FRMD4A: variants seen among roughly 807,000 people sequenced by gnomAD.
The protein encoded by FRMD4A is FERM domain-containing protein 4A.
In FRMD4A, 29 loss-of-function variants were observed where a neutral mutation model predicts 129.1. That is an observed-to-expected ratio of 0.22 (90% CI 0.17 to 0.31). The LOEUF is 0.31. Among genes scored for constraint, FRMD4A ranks in the 10% least tolerant of loss-of-function variants. FRMD4A has a pLI of 1.00. For synonymous variants in FRMD4A, 634 were observed against 571.6 expected, an observed-to-expected ratio of 1.11 and a Z score of -1.56; for missense variants, 1,272 against 1,375.8, an observed-to-expected ratio of 0.92 and a Z score of 1.19.
intron 2 of FRMD4A, among the ~76,000 whole-genome samples, chr10:14,275,598 T>C (rs1178906841): frequency 6.6e-6 from 1 of 152,224 alleles, no homozygotes; most frequent in Non-Finnish European, 1.5e-5. Context: ...ATTTCTTAAG[T>C]TCAGTTCGTT....
At chr10:14,208,539 G>C (rs1297156332) in intron 2 of FRMD4A, among the ~76,000 whole-genome samples, 1 of 152,076 alleles carries the variant, frequency 6.6e-6, no homozygotes, top group African/African-American at 2.4e-5. Flanking sequence ...GAAGGAGGAG[G>C]GGACTCTGCG....
chr10:14,225,037 C>T (rs1843390141), intron 2 of FRMD4A, among the ~76,000 whole-genome samples: 1 of 152,142 alleles, frequency 6.6e-6, no homozygotes, highest in African/African-American at 2.4e-5. Context: ...CAAGTGTCCC[C>T]CATAGTAACA....
chr10:13,959,523 G>C (rs139193205), intron 2 of FRMD4A, among the ~76,000 whole-genome samples: 1 of 80,218 alleles, frequency 1.2e-5, no homozygotes, highest in Admixed American at 1.4e-4. Context: ...TTTTTTTTTA[G>C]ATTTGTAATC....
chr10:14,108,707 A>G (rs1051240921), intron 2 of FRMD4A, among the ~76,000 whole-genome samples: 32 of 152,224 alleles, frequency 2.1e-4, no homozygotes, highest in Admixed American at 2.1e-3. Context: ...TAGGAAAAAT[A>G]AGACAGAGAA....
intron 2 of FRMD4A, among the ~76,000 whole-genome samples, chr10:13,954,966 C>T (rs1039076724): frequency 3.3e-5 from 5 of 152,168 alleles, no homozygotes; most frequent in Admixed American, 3.3e-4. Flanking sequence ...AAGCCATTCA[C>T]TTCAATTCTT....
At chr10:13,658,315 G>A (rs763663707) in intron 21 of FRMD4A, among the ~76,000 whole-genome samples, 1 of 152,168 alleles carries the variant, frequency 6.6e-6, no homozygotes, top group Non-Finnish European at 1.5e-5. Context: ...GGTGGCAAAT[G>A]AGATAATTAA....
chr10:14,330,597 C>T lies in FRMD4A; in HGVS notation c.-82G>A, dbSNP rs1249541260. 3 of 400,322 alleles carry T rather than the reference C, an allele frequency of 7.5e-6. No homozygotes were observed. Among genetic ancestry groups the T allele is most frequent in the Non-Finnish European group, 1.3e-5 (3 of 227,570 alleles). The allele number at this position is 400,322 out of a possible 1,614,324, so 24.8% of individuals were successfully genotyped here. On this transcript the variant is annotated splice_region_variant and 5_prime_UTR_variant, in exon 1 of 25. Transcript: ENST00000357447. ...AAACATGCTGAATGTCACAACATACCGCTCGCAATCTGGTCAGTGTCTTCT... is the reference window on the plus strand; with the variant it reads ...AAACATGCTGAATGTCACAACATACTGCTCGCAATCTGGTCAGTGTCTTCT...
At chr10:13,896,480 G>A (rs372765340) in intron 2 of FRMD4A, among the ~76,000 whole-genome samples, 2 of 152,092 alleles carry the variant, frequency 1.3e-5, no homozygotes, top group African/African-American at 4.8e-5. Context: ...GAGAACACAT[G>A]GACACAGGGA....
At chr10:14,227,621 T>C (rs985679336) in intron 2 of FRMD4A, among the ~76,000 whole-genome samples, 1 of 152,124 alleles carries the variant, frequency 6.6e-6, no homozygotes, top group Non-Finnish European at 1.5e-5. Context: ...CAAGCCTGCA[T>C]GAGGTGTCCT....
rs918633900 is a variant in FRMD4A at position 14,115,788 on chromosome 10, A to C, written c.45+214270T>G. Among the ~76,000 whole-genome samples the C allele has an allele frequency of 7.9e-5, 12 of 152,356 alleles. No homozygotes were observed. The South Asian group carries it at 1.9e-3, about 24-fold the overall frequency. Reference sequence around the variant, plus strand: ...GCTTCCTGAGGTCTGCACCAGAAGCAGATGCCAGTGCCATGGTTCTTGTCT... The same window carrying C: ...GCTTCCTGAGGTCTGCACCAGAAGCCGATGCCAGTGCCATGGTTCTTGTCT... On this transcript the variant is annotated intron_variant, in intron 2 of 24. Coordinates refer to ENST00000357447, the MANE Select transcript of FRMD4A (RefSeq NM_018027.5).
chr10:14,243,831 T>TAAA lies in FRMD4A; in HGVS notation c.45+86224_45+86226dup, dbSNP rs11447138. ...TTTGTTATGTATATATTACCACAATTAAAAAAAAAAAAAGGAGTAGTCAGC... is the reference window on the plus strand; with the variant it reads ...TTTGTTATGTATATATTACCACAATTAAAAAAAAAAAAAAAAGGAGTAGTCAGC... On this transcript the variant is annotated intron_variant, in intron 2 of 24. Coordinates refer to ENST00000357447, the MANE Select transcript of FRMD4A (RefSeq NM_018027.5). Among the ~76,000 whole-genome samples the TAAA allele has an allele frequency of 1.8e-3, 267 of 147,184 alleles. 1 individual carries two copies. The highest frequency in any genetic ancestry group is 2.1e-3 in the Non-Finnish European group (142 of 66,376).
chr10:14,066,845 T>C (rs1307655261), intron 2 of FRMD4A, among the ~76,000 whole-genome samples: 2 of 152,212 alleles, frequency 1.3e-5, no homozygotes, highest in African/African-American at 4.8e-5. Flanking sequence ...GAGACTTAAA[T>C]GGACTTCTTT....
At chr10:13,919,384 A>T (rs2095045184) in intron 2 of FRMD4A, among the ~76,000 whole-genome samples, 1 of 152,198 alleles carries the variant, frequency 6.6e-6, no homozygotes, top group South Asian at 2.1e-4. Flanking sequence ...GGGTAGTAAC[A>T]GTGTGAATAA....
At chr10:14,017,165 C>T (rs1280888146) in intron 2 of FRMD4A, among the ~76,000 whole-genome samples, 1 of 152,204 alleles carries the variant, frequency 6.6e-6, no homozygotes, top group Non-Finnish European at 1.5e-5. Flanking sequence ...GGAGTGATGT[C>T]ATGCCCAGGG....
At chr10:13,873,836 G>C (rs113590639) in intron 2 of FRMD4A, among the ~76,000 whole-genome samples, 2 of 151,562 alleles carry the variant, frequency 1.3e-5, no homozygotes, top group African/African-American at 2.4e-5. Flanking sequence ...CTGAGCCACC[G>C]TACCTAGTCA....
At chr10:14,048,541 C>T (rs1834087023) in intron 2 of FRMD4A, among the ~76,000 whole-genome samples, 1 of 152,112 alleles carries the variant, frequency 6.6e-6, no homozygotes, top group Non-Finnish European at 1.5e-5. Flanking sequence ...TGTGGTGGCT[C>T]ATGCCTGTAA....
At chr10:14,115,049 C>G (rs1318328937) in intron 2 of FRMD4A, among the ~76,000 whole-genome samples, 1 of 152,172 alleles carries the variant, frequency 6.6e-6, no homozygotes, top group Non-Finnish European at 1.5e-5. Flanking sequence ...CACTCCCCCA[C>G]CCACCAAGCA....
chr10:14,051,327 T>A (rs1208848453), intron 2 of FRMD4A, among the ~76,000 whole-genome samples: 1 of 152,140 alleles, frequency 6.6e-6, no homozygotes, highest in South Asian at 2.1e-4. Flanking sequence ...TCCAACCGTA[T>A]CTCTAATGTT....
chr10:14,133,767 T>G (rs1839389919), intron 2 of FRMD4A, among the ~76,000 whole-genome samples: 1 of 152,236 alleles, frequency 6.6e-6, no homozygotes, highest in African/African-American at 2.4e-5. Context: ...CCACAAAGAC[T>G]TGGAGAACCA....
Sources: gnomAD v4.1 joint callset for allele counts (sites outside exome capture counted in the v4.1 genomes callset) on GRCh38, gnomAD v4.1.1 for gene constraint, MANE v1.5 for transcripts, NCBI Gene and HGNC (gene_info 2026-07-23, HGNC 2026-07-21) for gene names.